Variants in SSPN observed in about 807,000 individuals in gnomAD.
SSPN encodes K-ras oncogene-associated protein.
SSPN carries 15 observed loss-of-function variants against 19.1 expected under a neutral mutation model. That is an observed-to-expected ratio of 0.78 (90% confidence interval 0.52 to 1.21). SSPN has a LOEUF of 1.21. SSPN is among the 50% of genes most tolerant of loss of function. The probability of loss-of-function intolerance (pLI) is 0.00; values close to 1 mark genes in which losing one functional copy is unlikely to be tolerated. For missense variants in SSPN, 291 were observed against 314.0 expected (o/e 0.93, Z 0.55); for synonymous variants, 147 against 140.3 (o/e 1.05, Z -0.34).
At position 26,231,052 on chromosome 12, in the gene SSPN, C is replaced by T. The variant is rs763878016; in HGVS notation, c.708C>T (p.Ser236=). 15 of 1,613,190 alleles carry T rather than the reference C, an allele frequency of 9.3e-6. No homozygotes were observed. The highest frequency in any genetic ancestry group is 2.2e-5 in the East Asian group (1 of 44,876). The change falls in exon 3 of 3, where the codon TCC becomes TCT. Residue 236 remains serine (S), a synonymous_variant. Transcript: ENST00000242729. The part of the protein sequence containing the change: ...VGVRICSLTA[S]EGPQQKI Reference sequence around the variant, plus strand: ...TCAGGATATGCTCCCTCACGGCTTCCGAAGGCCCCCAGCAAAAGATCTAAC... The same window carrying T: ...TCAGGATATGCTCCCTCACGGCTTCTGAAGGCCCCCAGCAAAAGATCTAAC...
At chr12:26,209,479 A>G (rs1056562925) in intron 1 of SSPN, among the ~76,000 whole-genome samples, 3 of 151,550 alleles carry the variant, frequency 2.0e-5, no homozygotes, top group Admixed American at 6.6e-5. Context: ...AGTATGTTTC[A>G]TCTCTCTTTA....
At chr12:26,151,422 G>A (rs980758563) in intron 1 of SSPN, among the ~76,000 whole-genome samples, 1 of 151,890 alleles carries the variant, frequency 6.6e-6, no homozygotes, top group Non-Finnish European at 1.5e-5. Context: ...TTCTCTTGCT[G>A]TTACCCAGCA....
intron 1 of SSPN, among the ~76,000 whole-genome samples, chr12:26,179,328 C>T (rs972537037): frequency 2.0e-5 from 3 of 152,064 alleles, no homozygotes; most frequent in Admixed American, 6.6e-5. Context: ...GAGGCTGGTG[C>T]TTTTATACTT....
intron 1 of SSPN, among the ~76,000 whole-genome samples, chr12:26,213,484 G>T (rs1355346958): frequency 1.3e-5 from 2 of 151,894 alleles, no homozygotes; most frequent in Non-Finnish European, 2.9e-5. Context: ...GAGCTAACAT[G>T]CATGCACCAC....
Position 26,129,217 on chromosome 12 carries a change from G to A in SSPN, c.-31+7065G>A, listed in dbSNP as rs557298984. On this transcript the variant is annotated intron_variant, in intron 1 of 2. Transcript: ENST00000538142. ...ACTGTGAAAATGGCCCATCTGAAGG[G>A]CAGAAGCCATTCTTGATCACCTCTG... Among the ~76,000 whole-genome samples the A allele has an allele frequency of 3.9e-5, 6 of 152,302 alleles. No individual in the cohort carries two copies. The East Asian group carries it at 1.2e-3, about 29-fold the overall frequency.
intron 1 of SSPN, among the ~76,000 whole-genome samples, chr12:26,127,755 A>C (rs964756875): frequency 6.7e-6 from 1 of 148,470 alleles, no homozygotes; most frequent in African/African-American, 2.5e-5. Flanking sequence ...TTTTTCTTTG[A>C]TCTTTCACCC....
At chr12:26,189,772 G>A (rs967909207) in intron 1 of SSPN, among the ~76,000 whole-genome samples, 2 of 152,076 alleles carry the variant, frequency 1.3e-5, no homozygotes, top group Non-Finnish European at 2.9e-5. Context: ...AGATTATTCT[G>A]GAAAAGGTAA....
At position 26,195,863 on chromosome 12, in the gene SSPN, G is replaced by T; in HGVS notation, c.191G>T (p.Gly64Val). ...CTCGCCCTGCTGCAGCTGGCCCTGGGCATCGCCGTGACCGTGGTGGGCTTC... is the reference window on the plus strand; with the variant it reads ...CTCGCCCTGCTGCAGCTGGCCCTGGTCATCGCCGTGACCGTGGTGGGCTTC... ...LLLALLQLALGIAVTVVGFLM... is the reference protein window; with the variant it reads ...LLLALLQLALVIAVTVVGFLM... Residue 64 changes from glycine to valine, a missense_variant, in exon 1 of 3, where the codon GGC becomes GTC. Gly to Val is a moderately radical substitution (Grantham distance 109). Coordinates refer to ENST00000242729, the MANE Select transcript of SSPN (RefSeq NM_005086.5). 6.4e-7 allele frequency: 1 copy of T among 1,562,948 alleles called. No individual in the cohort carries two copies. Among genetic ancestry groups the T allele is most frequent in the Non-Finnish European group, 8.6e-7 (1 of 1,158,500 alleles).
chr12:26,173,721 A>G (rs1944666686), intron 1 of SSPN, among the ~76,000 whole-genome samples: 1 of 152,220 alleles, frequency 6.6e-6, no homozygotes, highest in Non-Finnish European at 1.5e-5. Flanking sequence ...TCATTGATTG[A>G]CAAGCCATTG....
intron 1 of SSPN, among the ~76,000 whole-genome samples, chr12:26,218,396 A>G (rs1945082571): frequency 9.9e-6 from 1 of 100,930 alleles, no homozygotes. Context: ...CTAGATGACG[A>G]GTTAGTGGGT....
chr12:26,183,872 C>T (rs1179920937), intron 1 of SSPN, among the ~76,000 whole-genome samples: 2 of 152,132 alleles, frequency 1.3e-5, no homozygotes, highest in African/African-American at 4.8e-5. Flanking sequence ...GTCATCACCC[C>T]AAATTGTACT....
At chr12:26,172,013 A>T (rs1182751226) in intron 1 of SSPN, among the ~76,000 whole-genome samples, 1 of 152,166 alleles carries the variant, frequency 6.6e-6, no homozygotes, top group Non-Finnish European at 1.5e-5. Context: ...CTAGGTGTAG[A>T]CCATATGCAA....
At chr12:26,204,026 A>G (rs1030566033) in intron 1 of SSPN, among the ~76,000 whole-genome samples, 4 of 152,152 alleles carry the variant, frequency 2.6e-5, no homozygotes, top group African/African-American at 9.7e-5. Flanking sequence ...AAATATAGTT[A>G]CTTTTGAGGT....
intron 1 of SSPN, among the ~76,000 whole-genome samples, chr12:26,210,375 CATT>C (rs3082336): frequency 0.027 from 4,112 of 152,144 alleles, 189 homozygotes; most frequent in African/African-American, 0.095. Flanking sequence ...ATGATTAACT[CATT>C]AATAGTTCCT....
At chr12:26,199,910 G>T (rs189038963) in intron 1 of SSPN, among the ~76,000 whole-genome samples, 1 of 152,298 alleles carries the variant, frequency 6.6e-6, no homozygotes, top group African/African-American at 2.4e-5. Context: ...GAATACTTCC[G>T]ATTAGAAAAT....
At chr12:26,164,051 T>C (rs1395202005) in intron 1 of SSPN, among the ~76,000 whole-genome samples, 1 of 152,130 alleles carries the variant, frequency 6.6e-6, no homozygotes, top group Non-Finnish European at 1.5e-5. Context: ...ATTAATGTAG[T>C]TAATCTTAAA....
intron 1 of SSPN, among the ~76,000 whole-genome samples, chr12:26,144,945 T>C (rs1214291216): frequency 6.6e-6 from 1 of 152,238 alleles, no homozygotes; most frequent in Non-Finnish European, 1.5e-5. Context: ...CAAACTCTTA[T>C]CACATCTACC....
intron 1 of SSPN, among the ~76,000 whole-genome samples, chr12:26,131,331 C>G (rs993362521): frequency 6.6e-6 from 1 of 152,180 alleles, no homozygotes; most frequent in Non-Finnish European, 1.5e-5. Context: ...GCTCTTCTTC[C>G]TGTAGAATGC....
chr12:26,125,347 C>T (rs1944355321), intron 1 of SSPN: 1 of 227,322 alleles, frequency 4.4e-6, no homozygotes, highest in Admixed American at 5.2e-5. Context: ...AATGCGACTC[C>T]CTGGGTTCGT....
Sources: gnomAD v4.1 joint callset for allele counts (sites outside exome capture counted in the v4.1 genomes callset) on GRCh38, gnomAD v4.1.1 for gene constraint, MANE v1.5 for transcripts, NCBI Gene and HGNC (gene_info 2026-07-23, HGNC 2026-07-21) for gene names.